Variants in FUT8 observed in about 807,000 individuals in gnomAD.
FUT8 encodes the protein alpha-(1,6)-fucosyltransferase.
In FUT8, 29 loss-of-function variants were observed where a neutral mutation model predicts 71.3. That is an observed-to-expected ratio of 0.41 (90% CI 0.30 to 0.55). FUT8 has a LOEUF of 0.55. Among genes scored for constraint, FUT8 ranks in the 20% least tolerant of loss-of-function variants. The probability of loss-of-function intolerance (pLI) is 0.34; values close to 1 mark genes in which losing one functional copy is unlikely to be tolerated. For missense variants in FUT8, 544 were observed against 702.1 expected, an observed-to-expected ratio of 0.77 and a Z score of 2.55; for synonymous variants, 254 against 239.3, an observed-to-expected ratio of 1.06 and a Z score of -0.57.
chr14:65,735,207 T>C (rs1181075510), intron 10 of FUT8, among the ~76,000 whole-genome samples: 2 of 115,952 alleles, frequency 1.7e-5, no homozygotes, highest in Non-Finnish European at 3.6e-5. Context: ...AAAGAAAATT[T>C]TTTGCTTTAC....
At position 65,467,845 on chromosome 14, in the gene FUT8, C is replaced by G. The variant is rs1344554713; in HGVS notation, c.-228+12127C>G. 1.3e-6 allele frequency: 1 copy of G among 789,992 alleles called. No individual in the cohort carries two copies. Among genetic ancestry groups the G allele is most frequent in the Non-Finnish European group, 2.3e-6 (1 of 436,168 alleles). The allele number at this position is 789,992 out of a possible 1,614,324, so 48.9% of individuals were successfully genotyped here. ...TCACAGGGAATAGGTTCCAGCAGCTCAGGCTCCTTCCCACTGGTTCTCACA... is the reference window on the plus strand; with the variant it reads ...TCACAGGGAATAGGTTCCAGCAGCTGAGGCTCCTTCCCACTGGTTCTCACA... On this transcript the variant is annotated intron_variant, in intron 2 of 10. Transcript: ENST00000673929. This position sits in a 1 kb window ranked among gnomAD's most constrained non-coding sequence, Gnocchi z 4.1.
At chr14:65,738,901 A>G (rs1015817584) in intron 10 of FUT8, among the ~76,000 whole-genome samples, 3 of 152,070 alleles carry the variant, frequency 2.0e-5, no homozygotes, top group Non-Finnish European at 4.4e-5. Context: ...GCCTGGAGCA[A>G]TATTCATTCA....
At position 65,483,319 on chromosome 14, in the gene FUT8, C is replaced by T. The variant is rs898816942; in HGVS notation, c.-228+27601C>T. On this transcript the variant is annotated intron_variant, in intron 2 of 10. Coordinates refer to ENST00000673929, the MANE Select transcript of FUT8 (RefSeq NM_001371533.1). The surrounding 1 kb of genome is among the most constrained non-coding windows in gnomAD (Gnocchi z 4.4). ...GTGTCAGCCTAGGGAGCATTGGCTACTCTTAAGAGTTCTCTTTATTTCTCA... is the reference window on the plus strand; with the variant it reads ...GTGTCAGCCTAGGGAGCATTGGCTATTCTTAAGAGTTCTCTTTATTTCTCA... Among the ~76,000 whole-genome samples the T allele has an allele frequency of 2.6e-5, 4 of 152,208 alleles. No individual in the cohort carries two copies. Among genetic ancestry groups the T allele is most frequent in the Admixed American group, 2.6e-4 (4 of 15,282 alleles).
intron 3 of FUT8, among the ~76,000 whole-genome samples, chr14:65,590,955 C>T (rs767911584): frequency 1.3e-5 from 2 of 152,146 alleles, no homozygotes; most frequent in South Asian, 2.1e-4. Context: ...CTGGTTTTGA[C>T]TTGGCAAAAT....
intron 6 of FUT8, among the ~76,000 whole-genome samples, chr14:65,651,429 G>T (rs1891402760): frequency 1.3e-5 from 2 of 152,232 alleles, no homozygotes; most frequent in Non-Finnish European, 2.9e-5. Context: ...GCTAAGACAT[G>T]CATTGTGAAT....
the FUT8 span, among the ~76,000 whole-genome samples, chr14:65,396,154 G>A: frequency 6.6e-5 from 10 of 152,288 alleles, no homozygotes; most frequent in African/African-American, 2.2e-4. The surrounding 1 kb of genome is among the most constrained non-coding windows in gnomAD (Gnocchi z 5.5). Context: ...CAAGTCTCTA[G>A]GAAGTTCCAG....
chr14:65,475,453 A>G (rs1172015383), intron 2 of FUT8, among the ~76,000 whole-genome samples: 1 of 152,180 alleles, frequency 6.6e-6, no homozygotes, highest in African/African-American at 2.4e-5. Context: ...TAGTTGCTGC[A>G]TAACATTAAA....
intron 2 of FUT8, among the ~76,000 whole-genome samples, chr14:65,498,414 C>G (rs1373566305): frequency 1.3e-5 from 2 of 152,076 alleles, no homozygotes; most frequent in African/African-American, 2.4e-5. Context: ...GGTTAAGTAA[C>G]TGTATTTTTA....
chr14:65,391,545 G>A, the FUT8 span, among the ~76,000 whole-genome samples: 3 of 152,054 alleles, frequency 2.0e-5, no homozygotes, highest in Non-Finnish European at 2.9e-5. Context: ...TAGGAGAGAC[G>A]GGGTTTCACC....
At chr14:65,722,175 C>T (rs1895451767) in intron 8 of FUT8, among the ~76,000 whole-genome samples, 154 bp downstream of exon 8, 1 of 152,136 alleles carries the variant, frequency 6.6e-6, no homozygotes, top group Non-Finnish European at 1.5e-5. Flanking sequence ...CACATGGAGA[C>T]TATTTTTTTT....
intron 6 of FUT8, chr14:65,645,925 A>G (rs1428399483): frequency 1.3e-5 from 2 of 152,218 alleles, no homozygotes; most frequent in African/African-American, 4.8e-5. Context: ...CTAAATCCAA[A>G]CTAAATAGTT....
At position 65,609,021 on chromosome 14, in the gene FUT8, G is replaced by A. The variant is rs562502277; in HGVS notation, c.204-6957G>A. ...TTTAAAAATATTTTCTTGGCCAGGC[G>A]CAGTGGCTCATGTCTGTAATCTCAG... On this transcript the variant is annotated intron_variant, in intron 3 of 10. Coordinates refer to ENST00000673929, the MANE Select transcript of FUT8 (RefSeq NM_001371533.1). Among the ~76,000 whole-genome samples the A allele has an allele frequency of 6.7e-4, 101 of 151,838 alleles. 1 individual carries two copies. The highest frequency in any genetic ancestry group is 3.4e-3 in the Middle Eastern group (1 of 292).
At chr14:65,707,298 C>A (rs1894601584) in intron 7 of FUT8, among the ~76,000 whole-genome samples, 1 of 152,126 alleles carries the variant, frequency 6.6e-6, no homozygotes, top group Non-Finnish European at 1.5e-5. Flanking sequence ...GTTAGTATCT[C>A]TTCTTTTGAG....
rs1339922170 is a variant in FUT8 at position 65,472,996 on chromosome 14, A to G, written c.-228+17278A>G. ...GACAACTTATTTATAACTTTTATTT[A>G]TTATTATTATTGAATGTAAAAGAAT... On this transcript the variant is annotated intron_variant, in intron 2 of 10. Coordinates refer to ENST00000673929, the MANE Select transcript of FUT8 (RefSeq NM_001371533.1). The surrounding 1 kb of genome is among the most constrained non-coding windows in gnomAD (Gnocchi z 4.4). 1.3e-5 allele frequency among the ~76,000 whole-genome samples: 2 copies of G among 152,088 alleles called. No individual in the cohort carries two copies. The highest frequency in any genetic ancestry group is 2.9e-5 in the Non-Finnish European group (2 of 67,976).
chr14:65,408,289 GC>G (rs1355282727), upstream of FUT8, among the ~76,000 whole-genome samples: 2 of 152,114 alleles, frequency 1.3e-5, no homozygotes, highest in African/African-American at 4.8e-5. Flanking sequence ...ACTTACGCTG[GC>G]CATGAACTGT....
rs2066455297 is a variant in FUT8 at position 65,489,590 on chromosome 14, C to T, written c.-228+33872C>T. Reference sequence around the variant, plus strand: ...AATAGTTCCCTATTTGAATAATTGTCCAGGAAATTAGCTGTTGATCATATT... The same window carrying T: ...AATAGTTCCCTATTTGAATAATTGTTCAGGAAATTAGCTGTTGATCATATT... On this transcript the variant is annotated intron_variant, in intron 2 of 10. Transcript: ENST00000673929. This position sits in a 1 kb window ranked among gnomAD's most constrained non-coding sequence, Gnocchi z 4.0. 6.6e-6 allele frequency among the ~76,000 whole-genome samples: 1 copy of T among 151,908 alleles called. No individual in the cohort carries two copies.
chr14:65,646,528 G>A (rs1717504246), intron 6 of FUT8: 1 of 152,204 alleles, frequency 6.6e-6, no homozygotes, highest in Non-Finnish European at 1.5e-5. Flanking sequence ...AGAGCCTGCA[G>A]CACTTTCTCA....
At chr14:65,370,400 G>A in the FUT8 span, among the ~76,000 whole-genome samples, 1 of 151,304 alleles carries the variant, frequency 6.6e-6, no homozygotes, top group African/African-American at 2.4e-5. Flanking sequence ...AGTAGAGACG[G>A]GGTTTCACCG....
chr14:65,642,636 T>C (rs980859199), intron 6 of FUT8, among the ~76,000 whole-genome samples: 3 of 149,574 alleles, frequency 2.0e-5, no homozygotes, highest in Non-Finnish European at 3.0e-5. Flanking sequence ...CAATTGACCA[T>C]ACATGTGTGT....
Sources: gnomAD v4.1 joint callset for allele counts (sites outside exome capture counted in the v4.1 genomes callset) on GRCh38, gnomAD v4.1.1 for gene constraint, Gnocchi (gnomAD v3.1) non-coding constraint, MANE v1.5 for transcripts, NCBI Gene and HGNC (gene_info 2026-07-23, HGNC 2026-07-21) for gene names.